Variants in CDH13 observed in about 807,000 individuals in gnomAD.
CDH13 encodes cadherin-13.
CDH13 carries 24 observed loss-of-function variants against 63.8 expected under a neutral mutation model. That is an observed-to-expected ratio of 0.38 (90% CI 0.27 to 0.53). The LOEUF is 0.53. CDH13 is among the 20% of genes least tolerant of loss of function. The pLI is 0.85. For missense variants in CDH13, 1,049 were observed against 903.1 expected, an observed-to-expected ratio of 1.16 and a Z score of -2.07; for synonymous variants, 503 against 355.3, an observed-to-expected ratio of 1.42 and a Z score of -4.67.
At chr16:83,533,860 A>G (rs1231594196) in intron 7 of CDH13, among the ~76,000 whole-genome samples, 1 of 152,112 alleles carries the variant, frequency 6.6e-6, no homozygotes, top group African/African-American at 2.4e-5. Flanking sequence ...ACCCCAAGTG[A>G]TCCGCCCACC....
chr16:82,784,004 C>T (rs2035888445), intron 1 of CDH13, among the ~76,000 whole-genome samples: 2 of 152,160 alleles, frequency 1.3e-5, no homozygotes, highest in Admixed American at 6.5e-5. Flanking sequence ...CTACATGTTC[C>T]TGGAGGTGTG....
At chr16:82,735,485 G>A (rs918969716) in intron 1 of CDH13, among the ~76,000 whole-genome samples, 8 of 152,210 alleles carry the variant, frequency 5.3e-5, no homozygotes, top group African/African-American at 1.9e-4. Context: ...TATCGCCTTG[G>A]ATTTGAGATT....
chr16:83,281,647 A>G (rs140985607), intron 5 of CDH13, among the ~76,000 whole-genome samples: 1 of 151,976 alleles, frequency 6.6e-6, no homozygotes, highest in Non-Finnish European at 1.5e-5. Context: ...GGTGGCTGAC[A>G]CCTGTAATCC....
At chr16:83,695,968 C>A (rs1485717937) in intron 10 of CDH13, among the ~76,000 whole-genome samples, 1 of 151,876 alleles carries the variant, frequency 6.6e-6, no homozygotes, top group African/African-American at 2.4e-5. Context: ...CGGCTCCCTA[C>A]AACCTCTGCC....
chr16:83,713,757 C>G (rs761665687), intron 10 of CDH13, among the ~76,000 whole-genome samples: 6 of 152,094 alleles, frequency 3.9e-5, no homozygotes, highest in Non-Finnish European at 8.8e-5. Flanking sequence ...CAAATTAGAA[C>G]AGTTAAGAGC....
chr16:82,781,486 C>T (rs896432649), intron 1 of CDH13, among the ~76,000 whole-genome samples: 1 of 152,132 alleles, frequency 6.6e-6, no homozygotes, highest in Non-Finnish European at 1.5e-5. Context: ...CACACCTATA[C>T]ATCCATCTAC....
rs74717314 is a variant in CDH13 at position 83,319,022 on chromosome 16, A to G, written c.637-25840A>G. Among the ~76,000 whole-genome samples the G allele has an allele frequency of 3.2e-4, 48 of 151,092 alleles. No homozygotes were observed. The East Asian group carries it at 9.3e-3, about 29-fold the overall frequency. Reference sequence around the variant, plus strand: ...TGAAAATATATATTATACAAAATATATATATAACATATATATACATAGACA... The same window carrying G: ...TGAAAATATATATTATACAAAATATGTATATAACATATATATACATAGACA... On this transcript the variant is annotated intron_variant, in intron 5 of 13. Transcript: ENST00000567109.
At chr16:83,721,962 C>G (rs1049002869) in intron 10 of CDH13, 1 of 152,246 alleles carries the variant, frequency 6.6e-6, no homozygotes, top group Non-Finnish European at 1.5e-5. Flanking sequence ...CACCCTGGAG[C>G]CAAGCTAAGT....
intron 7 of CDH13, among the ~76,000 whole-genome samples, chr16:83,522,347 A>G (rs570924111): frequency 2.6e-5 from 4 of 152,258 alleles, no homozygotes; most frequent in African/African-American, 4.8e-5. Flanking sequence ...TCTTATGTCA[A>G]TTTGTGTTAT....
intron 6 of CDH13, among the ~76,000 whole-genome samples, chr16:83,356,278 G>A (rs1242052924): frequency 6.6e-6 from 1 of 150,640 alleles, no homozygotes; most frequent in East Asian, 2.0e-4. Context: ...ATGAGAAAGA[G>A]AAAGAGAAAA....
At chr16:82,884,188 T>C (rs1055241730) in intron 2 of CDH13, 15 of 455,820 alleles carry the variant, frequency 3.3e-5, no homozygotes, top group Non-Finnish European at 6.6e-5. Context: ...AATACAGATG[T>C]ATTCTACTAG....
chr16:83,413,717 G>A (rs969510829), intron 6 of CDH13, among the ~76,000 whole-genome samples: 2 of 152,152 alleles, frequency 1.3e-5, no homozygotes, highest in Non-Finnish European at 2.9e-5. Flanking sequence ...GCAGTGCACG[G>A]TGGCTCATGC....
chr16:83,580,455 T>TCTCTCC (rs1905468529), intron 7 of CDH13, among the ~76,000 whole-genome samples: 1 of 21,206 alleles, frequency 4.7e-5, no homozygotes, highest in Non-Finnish European at 8.6e-5. Context: ...CATTTCTCTC[T>TCTCTCC]CTCTCTCTCT....
chr16:83,307,978 A>G (rs563172497), intron 5 of CDH13, among the ~76,000 whole-genome samples: 64 of 152,252 alleles, frequency 4.2e-4, no homozygotes, highest in African/African-American at 1.5e-3. Flanking sequence ...GCAGCATGCC[A>G]CCTTCATAAT....
intron 3 of CDH13, among the ~76,000 whole-genome samples, chr16:83,052,503 G>A (rs1597229406): frequency 6.6e-6 from 1 of 152,160 alleles, no homozygotes; most frequent in African/African-American, 2.4e-5. Flanking sequence ...AACCTTGGCT[G>A]TTGTGGTGGC....
intron 3 of CDH13, among the ~76,000 whole-genome samples, chr16:83,045,113 C>A (rs909194060): frequency 6.6e-6 from 1 of 152,110 alleles, no homozygotes; most frequent in Non-Finnish European, 1.5e-5. Flanking sequence ...GCTTTGCGGT[C>A]GGCATGACTC....
chr16:83,774,202 G>C (rs1250033954), intron 11 of CDH13, among the ~76,000 whole-genome samples: 1 of 152,186 alleles, frequency 6.6e-6, no homozygotes, highest in African/African-American at 2.4e-5. Context: ...CGCCTATCCT[G>C]CCTATTGTCC....
intron 3 of CDH13, among the ~76,000 whole-genome samples, chr16:83,039,456 C>A (rs1435292642): frequency 6.6e-6 from 1 of 152,172 alleles, no homozygotes; most frequent in Non-Finnish European, 1.5e-5. Flanking sequence ...AAAGGATCTC[C>A]CCTACTGGTC....
rs11863447 is a variant in CDH13 at position 83,699,100 on chromosome 16, G to A, written c.1538+20639G>A. On this transcript the variant is annotated intron_variant, in intron 10 of 13. Coordinates refer to ENST00000567109, the MANE Select transcript of CDH13 (RefSeq NM_001257.5). The stretch of plus-strand genomic sequence containing the variant: ...CAACATCTTGTGTAGTGCCTGCCCC[G>A]TGACAAGCCCTCGGCCAATGTTTGC... Among the ~76,000 whole-genome samples the A allele has an allele frequency of 3.2e-3, 483 of 152,330 alleles. 4 individuals are homozygous for A. The highest frequency in any genetic ancestry group is 0.01 in the African/African-American group (435 of 41,570).
Sources: gnomAD v4.1 joint callset for allele counts (sites outside exome capture counted in the v4.1 genomes callset) on GRCh38, gnomAD v4.1.1 for gene constraint, MANE v1.5 for transcripts, NCBI Gene and HGNC (gene_info 2026-07-23, HGNC 2026-07-21) for gene names.